WDPCP: variants seen among roughly 807,000 people sequenced by gnomAD.
The protein encoded by WDPCP is WD repeat-containing and planar cell polarity effector protein fritz homolog.
In WDPCP, 71 loss-of-function variants were observed where a neutral mutation model predicts 93.1. The ratio of observed to expected loss-of-function variants is 0.76; its 90% CI spans 0.63 to 0.93. WDPCP has a LOEUF of 0.93. Ranked by LOEUF, WDPCP falls within the 40% of genes least tolerant of loss-of-function variation. The pLI, the probability that WDPCP is intolerant of heterozygous loss-of-function variation, is 0.00. For synonymous variants in WDPCP, 315 were observed against 315.0 expected (o/e 1.00, Z 0.00); for missense variants, 844 against 887.4 (o/e 0.95, Z 0.62).
At chr2:63,269,815 C>T (rs1025087461) in intron 13 of WDPCP, among the ~76,000 whole-genome samples, 5 of 152,238 alleles carry the variant, frequency 3.3e-5, no homozygotes, top group South Asian at 2.1e-4. Flanking sequence ...AAATTTTATT[C>T]GTATTCTACA....
chr2:63,806,272 G>C (rs1001723932), intron 2 of WDPCP, among the ~76,000 whole-genome samples: 1 of 152,142 alleles, frequency 6.6e-6, no homozygotes, highest in Non-Finnish European at 1.5e-5. Context: ...GGCGTCCGGG[G>C]GGGACATCAC....
chr2:63,174,589 CT>C, intron 15 of WDPCP, 80 bp downstream of exon 15: 1 of 1,572,414 alleles, frequency 6.4e-7, no homozygotes, highest in East Asian at 2.2e-5. Flanking sequence ...TTGAAATATT[CT>C]TGCTTTGCTA....
chr2:63,202,154 CTCAA>C (rs1320534916), intron 14 of WDPCP, among the ~76,000 whole-genome samples: 2 of 151,708 alleles, frequency 1.3e-5, no homozygotes, highest in African/African-American at 2.4e-5. Context: ...ACCCTAATAA[CTCAA>C]TCATTTTATA....
intron 15 of WDPCP, among the ~76,000 whole-genome samples, chr2:63,164,991 T>C (rs1211383458): frequency 6.6e-6 from 1 of 152,302 alleles, no homozygotes; most frequent in African/African-American, 2.4e-5. Flanking sequence ...GAATGTAGAA[T>C]ATGACAGCAA....
chr2:63,486,389 A>G (rs1184529839), intron 4 of WDPCP, among the ~76,000 whole-genome samples, 153 bp downstream of exon 4: 1 of 151,930 alleles, frequency 6.6e-6, no homozygotes, highest in African/African-American at 2.4e-5. Context: ...AGGCCTGACA[A>G]ATACAATTGT....
At position 63,120,572 on chromosome 2, in the gene WDPCP, G is replaced by C. The variant is rs572741163; in HGVS notation, c.*1434C>G. On this transcript the variant is annotated 3_prime_UTR_variant, in exon 18 of 18. Coordinates refer to ENST00000272321, the MANE Select transcript of WDPCP (RefSeq NM_015910.7). The stretch of plus-strand genomic sequence containing the variant: ...AACGGAGTCTTACTTTGTCACCCAG[G>C]CTGGAGCGTAATGGTGCGACCTCAG... Among the ~76,000 whole-genome samples the C allele has an allele frequency of 6.8e-6, 1 of 146,150 alleles. No individual in the cohort carries two copies. Among genetic ancestry groups the C allele is most frequent in the African/African-American group, 2.5e-5 (1 of 39,434 alleles).
upstream of WDPCP, among the ~76,000 whole-genome samples, chr2:63,829,961 ATT>A (rs1444938618): frequency 1.3e-5 from 2 of 151,840 alleles, no homozygotes. Flanking sequence ...TGTCAAATGG[ATT>A]TTCTTTTCTT....
intron 13 of WDPCP, among the ~76,000 whole-genome samples, chr2:63,259,923 T>C (rs1281407604): frequency 6.6e-6 from 1 of 152,164 alleles, no homozygotes; most frequent in Non-Finnish European, 1.5e-5. Context: ...TAATACCATA[T>C]CTCAGAAAGC....
intron 6 of WDPCP, among the ~76,000 whole-genome samples, chr2:63,446,379 C>A (rs1020757733): frequency 1.3e-5 from 2 of 152,280 alleles, no homozygotes; most frequent in African/African-American, 4.8e-5. Flanking sequence ...ATTTTGGCCA[C>A]CAGGAGACAT....
At chr2:63,221,735 AG>A (rs1444727879) in intron 14 of WDPCP, among the ~76,000 whole-genome samples, 1 of 152,156 alleles carries the variant, frequency 6.6e-6, no homozygotes, top group Non-Finnish European at 1.5e-5. Flanking sequence ...TGACTCTAAA[AG>A]GTTCTCCATT....
chr2:63,523,328 T>C (rs1436561726), intron 1 of WDPCP, among the ~76,000 whole-genome samples: 2 of 152,140 alleles, frequency 1.3e-5, no homozygotes, highest in East Asian at 1.9e-4. Flanking sequence ...GGGCCATTTA[T>C]GACAAACCCA....
chr2:63,190,913 G>T (rs1231889168), intron 14 of WDPCP, among the ~76,000 whole-genome samples: 1 of 152,156 alleles, frequency 6.6e-6, no homozygotes, highest in East Asian at 1.9e-4. Context: ...TTAAGTGTTT[G>T]GTCTGAAAGA....
At chr2:63,550,794 T>TAC (rs1705572927) in intron 1 of WDPCP, among the ~76,000 whole-genome samples, 1 of 7,194 alleles carries the variant, frequency 1.4e-4, no homozygotes, top group African/African-American at 3.4e-3. Flanking sequence ...TATATATGTA[T>TAC]ATATATATAT....
chr2:63,538,758 G>C (rs79350145), intron 1 of WDPCP, among the ~76,000 whole-genome samples: 2,094 of 152,154 alleles, frequency 0.014, 46 homozygotes, highest in African/African-American at 0.049. Flanking sequence ...CAAGAACTCA[G>C]CAGTTATAAA....
chr2:63,149,713 G>A (rs545525730), intron 17 of WDPCP, among the ~76,000 whole-genome samples: 3 of 152,210 alleles, frequency 2.0e-5, no homozygotes, highest in South Asian at 4.1e-4. Context: ...ATAATATTTA[G>A]TGAAAAAAGT....
At chr2:63,173,758 T>C (rs899820408) in intron 15 of WDPCP, among the ~76,000 whole-genome samples, 1 of 152,214 alleles carries the variant, frequency 6.6e-6, no homozygotes, top group Non-Finnish European at 1.5e-5. Context: ...ATAAACTCTT[T>C]GATACTTGGA....
At chr2:63,771,200 T>C (rs980110115) in intron 2 of WDPCP, among the ~76,000 whole-genome samples, 6 of 151,346 alleles carry the variant, frequency 4.0e-5, no homozygotes, top group Non-Finnish European at 5.9e-5. Context: ...ATCTCTAATA[T>C]CGAGAATGAA....
intron 12 of WDPCP, among the ~76,000 whole-genome samples, chr2:63,351,584 C>T (rs1037117809): frequency 6.6e-6 from 1 of 152,146 alleles, no homozygotes; most frequent in African/African-American, 2.4e-5. Flanking sequence ...TGCATCCACA[C>T]TGCTACAAAG....
chr2:63,215,882 C>A (rs1475731371), intron 14 of WDPCP, among the ~76,000 whole-genome samples: 3 of 152,056 alleles, frequency 2.0e-5, no homozygotes, highest in Non-Finnish European at 4.4e-5. Flanking sequence ...CAACCCCATC[C>A]AAAAGTGGGC....
Sources: gnomAD v4.1 joint callset for allele counts (sites outside exome capture counted in the v4.1 genomes callset) on GRCh38, gnomAD v4.1.1 for gene constraint, MANE v1.5 for transcripts, NCBI Gene and HGNC (gene_info 2026-07-23, HGNC 2026-07-21) for gene names.